Variants in GPC3 observed in about 807,000 individuals in gnomAD.
GPC3 encodes the protein glypican-3.
Under a neutral mutation model 34.4 loss-of-function variants are expected in GPC3, and 3 were observed. That is an observed-to-expected ratio of 0.09 (90% confidence interval 0.04 to 0.23). The LOEUF (loss-of-function observed/expected upper bound fraction) is 0.23, where lower values mean the gene tolerates loss of function less well. GPC3 is among the 10% of genes least tolerant of loss of function. The pLI is 1.00. For missense variants in GPC3, 351 were observed against 445.6 expected (o/e 0.79, Z 1.91); for synonymous variants, 177 against 174.0 (o/e 1.02, Z -0.13).
intron 2 of GPC3, among the ~76,000 whole-genome samples, chrX:133,827,155 C>G (rs2124540524): frequency 9.0e-6 from 1 of 111,593 alleles, no homozygotes; most frequent in African/African-American, 3.3e-5. Context: ...AAGACATTCC[C>G]AGATAAACAA....
At chrX:133,585,517 C>T (rs2069780014) in intron 7 of GPC3, among the ~76,000 whole-genome samples, 1 of 111,664 alleles carries the variant, frequency 9.0e-6, no homozygotes, top group Admixed American at 9.6e-5. Context: ...GACAACAGCA[C>T]AGGTTTAATC....
chrX:133,889,489 C>T (rs1452688419), intron 2 of GPC3, among the ~76,000 whole-genome samples: 1 of 111,995 alleles, frequency 8.9e-6, no homozygotes, highest in Non-Finnish European at 1.9e-5. Flanking sequence ...TAATCTATTT[C>T]GAGTTAAAAC....
At chrX:133,645,535 T>C (rs1305079449) in intron 6 of GPC3, among the ~76,000 whole-genome samples, 1 of 112,095 alleles carries the variant, frequency 8.9e-6, no homozygotes, top group African/African-American at 3.2e-5. Context: ...TGCTTTCGCT[T>C]TGAAAAAAAA....
At chrX:133,847,254 G>A (rs1226076954) in intron 2 of GPC3, among the ~76,000 whole-genome samples, 1 of 111,260 alleles carries the variant, frequency 9.0e-6, no homozygotes, top group Non-Finnish European at 1.9e-5. Flanking sequence ...TGTTTCTCTC[G>A]CCAAAAGGTA....
chrX:133,705,845 A>G (rs898909006), intron 3 of GPC3, among the ~76,000 whole-genome samples: 1 of 112,646 alleles, frequency 8.9e-6, no homozygotes, highest in African/African-American at 3.2e-5. Context: ...TTCAAGTGGC[A>G]GTAAGCCAAT....
At chrX:133,906,844 C>T (rs184640283) in intron 2 of GPC3, among the ~76,000 whole-genome samples, 2,355 of 111,908 alleles carry the variant, frequency 0.021, 29 homozygotes, top group Non-Finnish European at 0.03. Context: ...TTTGGGAGGC[C>T]GAGGCGGGCA....
chrX:133,811,800 C>T (rs192035567), intron 2 of GPC3, among the ~76,000 whole-genome samples: 9 of 112,121 alleles, frequency 8.0e-5, no homozygotes, highest in Non-Finnish European at 1.5e-4. Flanking sequence ...ACAGACAATT[C>T]CCACCAGACT....
rs970952267 is a variant in GPC3 at position 133,682,455 on chromosome X, T to C, written c.1292+9914A>G. On this transcript the variant is annotated intron_variant, in intron 5 of 7. Coordinates refer to ENST00000370818, the MANE Select transcript of GPC3 (RefSeq NM_004484.4). ...AACATGGCCCACACCTCTTCACCTT[T>C]ACTCTGGACATTTACATGGGCTGCT... 1.2e-4 allele frequency among the ~76,000 whole-genome samples: 13 copies of C among 111,590 alleles called. No individual in the cohort carries two copies. In the Admixed American group the frequency reaches 1.2e-3, roughly 11 times the overall value.
chrX:133,922,393 G>A (rs1569455142), intron 2 of GPC3, among the ~76,000 whole-genome samples: 1 of 111,662 alleles, frequency 9.0e-6, no homozygotes, highest in Non-Finnish European at 1.9e-5. Flanking sequence ...TGAGAATGGA[G>A]GATGGAGGGG....
chrX:133,931,591 C>A (rs1285737329), intron 2 of GPC3, among the ~76,000 whole-genome samples: 3 of 111,634 alleles, frequency 2.7e-5, no homozygotes, highest in African/African-American at 9.8e-5. Context: ...ACAATGCTAC[C>A]TATTTAACAG....
intron 6 of GPC3, among the ~76,000 whole-genome samples, chrX:133,655,476 CCACACACACACACA>C (rs758691994): frequency 9.2e-5 from 9 of 97,617 alleles, no homozygotes; most frequent in Non-Finnish European, 1.9e-4. Flanking sequence ...CTTCACACAC[CCACACACACACACA>C]CACACACACA....
In GPC3 at chrX:133,726,773, C is replaced by T. The variant is rs187911329; in HGVS notation, c.1032+26709G>A. On this transcript the variant is annotated intron_variant, in intron 3 of 7. Transcript: ENST00000370818. ...AAAAACAAACAAACAAAAAACAAAC[C>T]GAGTGGCCACACTGGCCACTGTAAA... is the stretch of plus-strand genomic sequence containing the variant. Among the ~76,000 whole-genome samples the T allele has an allele frequency of 3.6e-3, 399 of 111,994 alleles. 1 individual carries two copies. The highest frequency in any genetic ancestry group is 4.7e-3 in the Non-Finnish European group (251 of 53,135).
At chrX:133,638,830 A>G (rs781616959) in intron 6 of GPC3, among the ~76,000 whole-genome samples, 108 of 110,709 alleles carry the variant, frequency 9.8e-4, no homozygotes, top group Middle Eastern at 4.7e-3. Flanking sequence ...CTAAAAAAAA[A>G]AAAAAAGAAA....
intron 2 of GPC3, among the ~76,000 whole-genome samples, chrX:133,923,047 G>GA (rs2076257643): frequency 9.0e-6 from 1 of 111,077 alleles, no homozygotes; most frequent in Non-Finnish European, 1.9e-5. Flanking sequence ...AGGATGAAAA[G>GA]AGCCATTAGG....
Position 133,870,197 on chromosome X carries a change from CA to C in GPC3, c.337+82852del, listed in dbSNP as rs2075988372. Among the ~76,000 whole-genome samples the C allele has an allele frequency of 2.7e-5, 3 of 111,759 alleles. No individual in the cohort carries two copies. In the South Asian group the frequency reaches 1.1e-3, roughly 42 times the overall value. ...ATTTGCTGCAAAGGGAATGAATGGT[CA>C]AAAAATTGATGATTTAAATTATCAC... On this transcript the variant is annotated intron_variant, in intron 2 of 7. Coordinates refer to ENST00000370818, the MANE Select transcript of GPC3 (RefSeq NM_004484.4).
chrX:133,657,355 G>T (rs986955251), intron 6 of GPC3, among the ~76,000 whole-genome samples: 1 of 111,676 alleles, frequency 9.0e-6, no homozygotes, highest in Non-Finnish European at 1.9e-5. Context: ...TGTTGTGATC[G>T]TTTTTGGTAA....
chrX:133,644,657 A>G (rs753741216), intron 6 of GPC3, among the ~76,000 whole-genome samples: 1 of 104,338 alleles, frequency 9.6e-6, no homozygotes, highest in South Asian at 3.7e-4. Context: ...TTCCACATAC[A>G]TATATATGCA....
chrX:133,582,635 T>A (rs975784362), intron 7 of GPC3, among the ~76,000 whole-genome samples: 1 of 112,316 alleles, frequency 8.9e-6, no homozygotes, highest in Non-Finnish European at 1.9e-5. Flanking sequence ...ATAGGGTTTT[T>A]TTTGGTCATT....
Position 133,687,816 on chromosome X carries a change from T to G in GPC3, c.1292+4553A>C, listed in dbSNP as rs758263480. Among the ~76,000 whole-genome samples, 6 of 112,087 alleles carry G rather than the reference T, an allele frequency of 5.4e-5. No individual in the cohort carries two copies. The South Asian group carries it at 2.2e-3, about 42-fold the overall frequency. ...ACATATATAGTTTAAACAGTTCCTG[T>G]GTTATACTAATTTAAACAAGTGTCA... On this transcript the variant is annotated intron_variant, in intron 5 of 7. Coordinates refer to ENST00000370818, the MANE Select transcript of GPC3 (RefSeq NM_004484.4).
Sources: allele counts gnomAD v4.1 joint callset (sites outside exome capture counted in the v4.1 genomes callset), GRCh38; gene constraint gnomAD v4.1.1; transcripts MANE v1.5; gene names NCBI Gene and HGNC (gene_info 2026-07-23, HGNC 2026-07-21).